SLC24A3: variants seen among roughly 807,000 people sequenced by gnomAD.
The protein encoded by SLC24A3 is solute carrier family 24 member 3, also known as sodium/potassium/calcium exchanger 3.
A neutral mutation model predicts 75.8 loss-of-function variants in SLC24A3; 28 were observed. The observed-to-expected ratio is 0.37, with a 90% CI of 0.27 to 0.51. SLC24A3 has a LOEUF of 0.51. SLC24A3 is among the 20% of genes least tolerant of loss of function. The probability of loss-of-function intolerance (pLI) is 0.94; values close to 1 mark genes in which losing one functional copy is unlikely to be tolerated. For synonymous variants in SLC24A3, 372 were observed against 334.1 expected, an observed-to-expected ratio of 1.11 and a Z score of -1.24; for missense variants, 663 against 847.8, an observed-to-expected ratio of 0.78 and a Z score of 2.71.
chr20:19,247,101 A>G (rs1448203567), intron 1 of SLC24A3, among the ~76,000 whole-genome samples: 2 of 152,220 alleles, frequency 1.3e-5, no homozygotes, highest in Admixed American at 1.3e-4. Flanking sequence ...AATAAAAAAG[A>G]ATATAAATTC....
At chr20:19,230,434 C>G (rs956540831) in intron 1 of SLC24A3, among the ~76,000 whole-genome samples, 5 of 152,100 alleles carry the variant, frequency 3.3e-5, no homozygotes, top group Admixed American at 2.6e-4. Context: ...CTTCCTAGTT[C>G]TTATATCTAG....
intron 2 of SLC24A3, among the ~76,000 whole-genome samples, chr20:19,514,333 C>A (rs2029940894): frequency 6.6e-6 from 1 of 152,218 alleles, no homozygotes; most frequent in African/African-American, 2.4e-5. Flanking sequence ...CCACATAGCT[C>A]CACATCCTTG....
intron 2 of SLC24A3, among the ~76,000 whole-genome samples, chr20:19,361,201 C>A (rs1985781140): frequency 6.6e-6 from 1 of 152,172 alleles, no homozygotes. Context: ...AAGATATCTG[C>A]TAAAGCTTTG....
At chr20:19,515,890 C>G (rs963673730) in intron 3 of SLC24A3, among the ~76,000 whole-genome samples, 17 of 152,228 alleles carry the variant, frequency 1.1e-4, no homozygotes, top group African/African-American at 3.9e-4. Context: ...TCCTAACTGG[C>G]CTTTCTGAAA....
At chr20:19,678,225 C>T (rs1267686659) in intron 9 of SLC24A3, among the ~76,000 whole-genome samples, 1 of 150,956 alleles carries the variant, frequency 6.6e-6, no homozygotes, top group Non-Finnish European at 1.5e-5. Flanking sequence ...CTGTTGGGCA[C>T]ACCTCCCAGA....
At chr20:19,538,636 T>C (rs908133821) in intron 3 of SLC24A3, among the ~76,000 whole-genome samples, 2 of 152,178 alleles carry the variant, frequency 1.3e-5, no homozygotes, top group African/African-American at 4.8e-5. Context: ...GACAAGTATC[T>C]AAATAAAGCA....
intron 6 of SLC24A3, among the ~76,000 whole-genome samples, chr20:19,597,042 A>G (rs1319498814): frequency 6.6e-6 from 1 of 152,168 alleles, no homozygotes; most frequent in Admixed American, 6.5e-5. Context: ...TTGTTAATCC[A>G]TCAGACAAGA....
At chr20:19,713,947 G>C (rs2033016274) in intron 15 of SLC24A3, among the ~76,000 whole-genome samples, 1 of 152,134 alleles carries the variant, frequency 6.6e-6, no homozygotes, top group African/African-American at 2.4e-5. Context: ...TTAAACCAGA[G>C]GGTTGCAAAC....
At chr20:19,345,062 A>G (rs914834395) in intron 2 of SLC24A3, among the ~76,000 whole-genome samples, 8 of 152,232 alleles carry the variant, frequency 5.3e-5, no homozygotes, top group African/African-American at 1.7e-4. Flanking sequence ...CACAGCTGAC[A>G]CGATTGCCTG....
intron 6 of SLC24A3, among the ~76,000 whole-genome samples, chr20:19,614,164 G>T (rs927709164): frequency 2.6e-5 from 4 of 152,156 alleles, no homozygotes; most frequent in Middle Eastern, 3.2e-3. Context: ...AGACTGTTGG[G>T]ACTAAAATCT....
chr20:19,564,687 A>AC (rs1342138931), intron 3 of SLC24A3, among the ~76,000 whole-genome samples: 23 of 152,288 alleles, frequency 1.5e-4, no homozygotes, highest in Admixed American at 3.9e-4. Flanking sequence ...CCTCATACAC[A>AC]ATCTACATAC....
Position 19,367,439 on chromosome 20 carries a change from G to GA in SLC24A3, c.271+86358dup, listed in dbSNP as rs539971703. ...CTTCCTTATTAACAAACAGGCTTGG[G>GA]AAAAAACAAAGCAGAGACGTAAAAC... On this transcript the variant is annotated intron_variant, in intron 2 of 16. Transcript: ENST00000328041. Among the ~76,000 whole-genome samples, 7 of 150,582 alleles carry GA rather than the reference G, an allele frequency of 4.6e-5. No individual in the cohort carries two copies. In the South Asian group the frequency reaches 1.5e-3, roughly 31 times the overall value.
intron 1 of SLC24A3, among the ~76,000 whole-genome samples, chr20:19,232,017 A>G (rs1982035370): frequency 6.6e-6 from 1 of 152,208 alleles, no homozygotes; most frequent in Admixed American, 6.5e-5. Context: ...AGGAGAGGCT[A>G]AAGTATTTAT....
chr20:19,529,315 A>G (rs2030253550), intron 3 of SLC24A3, among the ~76,000 whole-genome samples: 1 of 152,152 alleles, frequency 6.6e-6, no homozygotes, highest in South Asian at 2.1e-4. Flanking sequence ...AGACAAAATT[A>G]TTTCATTCTC....
intron 2 of SLC24A3, among the ~76,000 whole-genome samples, chr20:19,455,190 T>G (rs988102847): frequency 1.3e-5 from 2 of 152,216 alleles, no homozygotes; most frequent in African/African-American, 4.8e-5. Context: ...AGCGGGACCC[T>G]GTTAGAGAGG....
intron 3 of SLC24A3, among the ~76,000 whole-genome samples, chr20:19,569,465 C>T (rs2031014970): frequency 6.6e-6 from 1 of 152,072 alleles, no homozygotes; most frequent in Admixed American, 6.6e-5. Flanking sequence ...ATTTCCTTTC[C>T]ATCCTTTCCC....
intron 3 of SLC24A3, among the ~76,000 whole-genome samples, chr20:19,524,777 T>C (rs2030167752): frequency 6.6e-6 from 1 of 152,244 alleles, no homozygotes; most frequent in Non-Finnish European, 1.5e-5. Flanking sequence ...ATGTTGACTA[T>C]ATCTACAATT....
chr20:19,516,245 C>T (rs1424388973), intron 3 of SLC24A3, among the ~76,000 whole-genome samples: 1 of 152,196 alleles, frequency 6.6e-6, no homozygotes, highest in Non-Finnish European at 1.5e-5. Flanking sequence ...GTCCTCTTGT[C>T]CCCATTTGGA....
chr20:19,356,877 T>TAATAATAATAATAA, intron 2 of SLC24A3, among the ~76,000 whole-genome samples: 2 of 151,862 alleles, frequency 1.3e-5, no homozygotes, highest in African/African-American at 4.9e-5. Context: ...ATAATAATAA[T>TAATAATAATAATAA]TCCTGCAGTC....
Sources: gnomAD v4.1 joint callset for allele counts (sites outside exome capture counted in the v4.1 genomes callset) on GRCh38, gnomAD v4.1.1 for gene constraint, MANE v1.5 for transcripts, NCBI Gene and HGNC (gene_info 2026-07-23, HGNC 2026-07-21) for gene names.